PPM1B: variants seen among roughly 807,000 people sequenced by gnomAD.
The protein encoded by PPM1B is protein phosphatase 1B.
In PPM1B, 22 loss-of-function variants were observed where a neutral mutation model predicts 43.0. The observed-to-expected ratio is 0.51, with a 90% CI of 0.37 to 0.73. PPM1B has a LOEUF of 0.73. Among genes scored for constraint, PPM1B ranks in the 30% least tolerant of loss-of-function variants. The pLI is 0.00. For synonymous variants in PPM1B, 217 were observed against 197.9 expected, an observed-to-expected ratio of 1.10 and a Z score of -0.81; for missense variants, 632 against 584.2, an observed-to-expected ratio of 1.08 and a Z score of -0.84.
At chr2:44,176,411 G>A (rs1667583030) in intron 1 of PPM1B, among the ~76,000 whole-genome samples, 1 of 152,186 alleles carries the variant, frequency 6.6e-6, no homozygotes, top group Non-Finnish European at 1.5e-5. Context: ...CTACTTTTGT[G>A]CTCTTAGCAA....
intron 5 of PPM1B, among the ~76,000 whole-genome samples, chr2:44,243,205 G>C (rs531945435): frequency 3.3e-5 from 5 of 152,200 alleles, no homozygotes; most frequent in African/African-American, 4.8e-5. Flanking sequence ...AAGATGCTCA[G>C]AGCTGAAGAG....
chr2:44,240,863 G>A (rs1670729281), intron 5 of PPM1B, among the ~76,000 whole-genome samples: 1 of 146,106 alleles, frequency 6.8e-6, no homozygotes, highest in African/African-American at 2.5e-5. Context: ...TACGCAGTGA[G>A]CTGTCTCTTA....
chr2:44,216,538 A>G (rs1227193788), intron 3 of PPM1B, among the ~76,000 whole-genome samples: 1 of 152,224 alleles, frequency 6.6e-6, no homozygotes, highest in Admixed American at 6.5e-5. Flanking sequence ...AGTACATGTC[A>G]TGCATATGGG....
intron 3 of PPM1B, among the ~76,000 whole-genome samples, chr2:44,216,879 A>G (rs1669743021): frequency 6.8e-6 from 1 of 146,708 alleles, no homozygotes; most frequent in South Asian, 2.2e-4. Flanking sequence ...GAGCTGAGAT[A>G]GTGCCACTGC....
At chr2:44,234,338 G>A, downstream of PPM1B, 1 of 596,138 alleles carries the variant, frequency 1.7e-6, no homozygotes, top group Non-Finnish European at 2.1e-6. Flanking sequence ...GGCCAACACG[G>A]TGAAACCCTG....
chr2:44,236,657 G>C (rs139205275), downstream of PPM1B, among the ~76,000 whole-genome samples: 2 of 152,040 alleles, frequency 1.3e-5, no homozygotes, highest in Non-Finnish European at 1.5e-5. Context: ...TGGAAAATAC[G>C]CAAACCAGAG....
intron 3 of PPM1B, among the ~76,000 whole-genome samples, chr2:44,211,512 CT>C (rs1669465934): frequency 6.6e-6 from 1 of 152,038 alleles, no homozygotes; most frequent in Non-Finnish European, 1.5e-5. Context: ...ATGTTAACAT[CT>C]TTTGTGACTT....
At chr2:44,188,985 C>T (rs1333876055) in intron 1 of PPM1B, among the ~76,000 whole-genome samples, 1 of 152,106 alleles carries the variant, frequency 6.6e-6, no homozygotes, top group Non-Finnish European at 1.5e-5. Flanking sequence ...CTTCCCACTT[C>T]AGTCTCCCGG....
At chr2:44,225,602 T>C (rs1486144817) in intron 5 of PPM1B, among the ~76,000 whole-genome samples, 4 of 152,250 alleles carry the variant, frequency 2.6e-5, no homozygotes, top group African/African-American at 9.6e-5. Context: ...ATGTCAGCCA[T>C]TGCAAATCCG....
chr2:44,192,130 T>A (rs1048292814), intron 1 of PPM1B, among the ~76,000 whole-genome samples: 3 of 152,072 alleles, frequency 2.0e-5, no homozygotes, highest in African/African-American at 7.2e-5. Flanking sequence ...TCTAAACTTT[T>A]ATTGACAATT....
chr2:44,183,557 C>T (rs1667983014), intron 1 of PPM1B, among the ~76,000 whole-genome samples: 1 of 152,176 alleles, frequency 6.6e-6, no homozygotes, highest in Non-Finnish European at 1.5e-5. Context: ...GGCCTGCCTC[C>T]TCATCACCAC....
downstream of PPM1B, among the ~76,000 whole-genome samples, chr2:44,237,896 A>C (rs1670659635): frequency 6.6e-6 from 1 of 152,086 alleles, no homozygotes; most frequent in Non-Finnish European, 1.5e-5. Flanking sequence ...TATGAAATGC[A>C]ATTTATTATT....
At chr2:44,233,168 A>AT (rs1670517163), downstream of PPM1B, 3 of 956,422 alleles carry the variant, frequency 3.1e-6, no homozygotes, top group Non-Finnish European at 3.7e-6. Flanking sequence ...TATAGTTTTA[A>AT]TTTTTTCAGC....
At chr2:44,221,178 A>T (rs1669963167) in intron 5 of PPM1B, among the ~76,000 whole-genome samples, 1 of 152,244 alleles carries the variant, frequency 6.6e-6, no homozygotes, top group Non-Finnish European at 1.5e-5. Flanking sequence ...ACCAAATGGT[A>T]ACTGTAGACT....
chr2:44,214,028 C>A, intron 3 of PPM1B, among the ~76,000 whole-genome samples: 1 of 152,100 alleles, frequency 6.6e-6, no homozygotes, highest in Non-Finnish European at 1.5e-5. Context: ...CTTGCTTAAC[C>A]CCTCAAGGCA....
Position 44,230,826 on chromosome 2 carries a change from TTTA to T in PPM1B, c.*113_*115del, listed in dbSNP as rs1217136490. On this transcript the variant is annotated 3_prime_UTR_variant, in exon 6 of 6. Coordinates refer to ENST00000282412, the MANE Select transcript of PPM1B (RefSeq NM_002706.6). ...GTTATTTGAATCTTGGAAAACTAGT[TTTA>T]TTATATTCAGATAGCCTTGTTTTTT... The T allele has an allele frequency of 4.1e-6, 6 of 1,467,602 alleles. No individual in the cohort carries two copies. The highest frequency in any genetic ancestry group is 5.4e-6 in the Non-Finnish European group (6 of 1,107,470). 90.9% of individuals were successfully genotyped at this position (1,467,602 alleles called of 1,614,324 possible).
chr2:44,232,832 A>T (rs758328708), downstream of PPM1B: 1 of 972,988 alleles, frequency 1.0e-6, no homozygotes, highest in East Asian at 1.1e-4. Flanking sequence ...AGCAATTTCT[A>T]TAGGATATGT....
chr2:44,213,480 T>C lies in PPM1B; in HGVS notation c.964+4153T>C, dbSNP rs182313857. Among the ~76,000 whole-genome samples, 550 of 152,268 alleles carry C rather than the reference T, an allele frequency of 3.6e-3. 3 individuals are homozygous for C. Among genetic ancestry groups the C allele is most frequent in the African/African-American group, 0.013 (532 of 41,550 alleles). ...TCATTTTGTATATAGTAGGCCACAG[T>C]AATTGGTGAGAGTTTTGAAGTGTGA... On this transcript the variant is annotated intron_variant, in intron 3 of 5. Coordinates refer to ENST00000282412, the MANE Select transcript of PPM1B (RefSeq NM_002706.6).
At chr2:44,244,647 T>G (rs1432674519), downstream of PPM1B, among the ~76,000 whole-genome samples, 3 of 152,022 alleles carry the variant, frequency 2.0e-5, no homozygotes, top group Non-Finnish European at 4.4e-5. Context: ...TTCCGACTGG[T>G]TTTTATCATT....
Sources: allele counts gnomAD v4.1 joint callset (sites outside exome capture counted in the v4.1 genomes callset), GRCh38; gene constraint gnomAD v4.1.1; transcripts MANE v1.5; gene names NCBI Gene and HGNC (gene_info 2026-07-23, HGNC 2026-07-21).